The following RBFOX1 variants were observed in gnomAD, a reference collection of about 807,000 sequenced individuals.
The protein encoded by RBFOX1 is RNA binding protein fox-1 homolog 1.
Under a neutral mutation model 57.7 loss-of-function variants are expected in RBFOX1, and 8 were observed. The observed-to-expected ratio is 0.14, with a 90% confidence interval of 0.08 to 0.25. The LOEUF (loss-of-function observed/expected upper bound fraction) is 0.25, where lower values mean the gene tolerates loss of function less well. RBFOX1 is among the 10% of genes least tolerant of loss of function. The pLI, the probability that RBFOX1 is intolerant of heterozygous loss-of-function variation, is 1.00. For synonymous variants in RBFOX1, 326 were observed against 222.4 expected (o/e 1.47, Z -4.15); for missense variants, 611 against 548.5 (o/e 1.11, Z -1.14).
intron 3 of RBFOX1, among the ~76,000 whole-genome samples, chr16:6,836,125 C>G (rs1316202808): frequency 6.6e-6 from 1 of 152,172 alleles, no homozygotes; most frequent in Admixed American, 6.5e-5. Flanking sequence ...TCCTTTTCTA[C>G]AATTTATGGT....
intron 3 of RBFOX1, among the ~76,000 whole-genome samples, chr16:5,738,123 T>C (rs1206037856): frequency 6.6e-6 from 1 of 151,930 alleles, no homozygotes; most frequent in Non-Finnish European, 1.5e-5. Flanking sequence ...TTTCTGTTCC[T>C]GTGTTAGTTT....
At chr16:7,535,284 C>A (rs569201672) in intron 5 of RBFOX1, among the ~76,000 whole-genome samples, 1 of 152,182 alleles carries the variant, frequency 6.6e-6, no homozygotes, top group Non-Finnish European at 1.5e-5. Context: ...GCTTACGGGC[C>A]CTTTCTGTAG....
At chr16:7,098,697 C>A (rs2062118780) in intron 4 of RBFOX1, among the ~76,000 whole-genome samples, 1 of 152,012 alleles carries the variant, frequency 6.6e-6, no homozygotes, top group African/African-American at 2.4e-5. Flanking sequence ...TGCCTGTAAT[C>A]CTGGCAGTTT....
At chr16:6,879,884 TCA>T (rs1173081946) in intron 3 of RBFOX1, among the ~76,000 whole-genome samples, 6 of 152,360 alleles carry the variant, frequency 3.9e-5, no homozygotes, top group African/African-American at 1.4e-4. Context: ...CAATCTTGCC[TCA>T]CAGTTAAATC....
intron 1 of RBFOX1, among the ~76,000 whole-genome samples, chr16:6,021,581 G>T (rs377323473): frequency 5.3e-5 from 8 of 152,304 alleles, no homozygotes; most frequent in Non-Finnish European, 1.0e-4. Flanking sequence ...GAGGCCCTCC[G>T]TTTGGAAGAA....
chr16:7,536,606 A>G (rs566082119), intron 5 of RBFOX1, among the ~76,000 whole-genome samples: 129 of 152,304 alleles, frequency 8.5e-4, no homozygotes, highest in African/African-American at 3.0e-3. Flanking sequence ...AAAAATAATA[A>G]TAATTAATAA....
chr16:6,194,175 C>G (rs568735011), intron 1 of RBFOX1, among the ~76,000 whole-genome samples: 3 of 152,238 alleles, frequency 2.0e-5, no homozygotes, highest in South Asian at 2.1e-4. Flanking sequence ...AGTTTAGAAA[C>G]TTGTTGTTCA....
intron 1 of RBFOX1, among the ~76,000 whole-genome samples, chr16:6,064,794 C>G (rs1187920493): frequency 2.0e-5 from 3 of 151,966 alleles, no homozygotes; most frequent in Admixed American, 1.3e-4. Flanking sequence ...TGTGTGTATG[C>G]TTTTGAATAA....
chr16:7,150,818 G>T (rs2075968185), intron 4 of RBFOX1, among the ~76,000 whole-genome samples: 1 of 152,192 alleles, frequency 6.6e-6, no homozygotes, highest in Non-Finnish European at 1.5e-5. Flanking sequence ...ATTGATGCTT[G>T]TTAATTGAAG....
intron 4 of RBFOX1, among the ~76,000 whole-genome samples, chr16:7,275,798 T>C (rs1484325360): frequency 6.6e-6 from 1 of 152,230 alleles, no homozygotes. Context: ...CTTGAAGGTA[T>C]AGCTTTACAT....
intron 2 of RBFOX1, among the ~76,000 whole-genome samples, chr16:6,405,458 C>G (rs747238162): frequency 6.6e-6 from 1 of 152,086 alleles, no homozygotes; most frequent in Non-Finnish European, 1.5e-5. Context: ...ATCCCACCAC[C>G]GTATCATCTG....
intron 1 of RBFOX1, among the ~76,000 whole-genome samples, chr16:5,373,001 C>T (rs2065898450): frequency 6.6e-6 from 1 of 152,230 alleles, no homozygotes; most frequent in Admixed American, 6.5e-5. Context: ...CCATCTAAAC[C>T]TCTAAAGTCT....
chr16:7,445,068 G>A (rs1369714691), intron 4 of RBFOX1, among the ~76,000 whole-genome samples: 1 of 149,676 alleles, frequency 6.7e-6, no homozygotes, highest in Non-Finnish European at 1.5e-5. Flanking sequence ...GTTCTTGACT[G>A]CCCGGAAAAA....
At chr16:7,669,863 T>A (rs1186152825) in intron 13 of RBFOX1, among the ~76,000 whole-genome samples, 2 of 152,160 alleles carry the variant, frequency 1.3e-5, no homozygotes, top group African/African-American at 4.8e-5. Flanking sequence ...GCATTTGACT[T>A]GCCGTCCGCA....
intron 1 of RBFOX1, among the ~76,000 whole-genome samples, chr16:6,256,026 A>T (rs921359095): frequency 6.6e-5 from 10 of 150,956 alleles, no homozygotes; most frequent in African/African-American, 1.9e-4. Context: ...CACATTCTGC[A>T]TGTGTATCCC....
chr16:7,440,640 A>G (rs756750255), intron 4 of RBFOX1, among the ~76,000 whole-genome samples: 7 of 152,152 alleles, frequency 4.6e-5, no homozygotes, highest in Non-Finnish European at 8.8e-5. Flanking sequence ...ATTTATTTTT[A>G]GCCTCACAGG....
intron 10 of RBFOX1, among the ~76,000 whole-genome samples, chr16:7,610,574 C>T (rs2057291813): frequency 1.3e-5 from 2 of 152,168 alleles, no homozygotes; most frequent in South Asian, 4.1e-4. Context: ...TTCATGCTGC[C>T]ACTATCCGGA....
chr16:7,064,703 A>G (rs934538742), intron 4 of RBFOX1, among the ~76,000 whole-genome samples: 3 of 152,164 alleles, frequency 2.0e-5, no homozygotes, highest in African/African-American at 4.8e-5. Flanking sequence ...TAGCAAACGC[A>G]CATCTAAACC....
At chr16:5,772,290 C>T (rs2054006035) in intron 3 of RBFOX1, among the ~76,000 whole-genome samples, 2 of 152,218 alleles carry the variant, frequency 1.3e-5, no homozygotes, top group African/African-American at 4.8e-5. Flanking sequence ...GCCAGACTTA[C>T]TGGCAGGCTC....
Sources: allele counts gnomAD v4.1 joint callset (sites outside exome capture counted in the v4.1 genomes callset), GRCh38; gene constraint gnomAD v4.1.1; transcripts MANE v1.5; gene names NCBI Gene and HGNC (gene_info 2026-07-23, HGNC 2026-07-21).